The following ADGRL3 variants were observed in gnomAD, a reference collection of about 807,000 sequenced individuals.
ADGRL3 encodes the protein calcium-independent alpha-latrotoxin receptor 3.
A neutral mutation model predicts 153.5 loss-of-function variants in ADGRL3; 62 were observed. The ratio of observed to expected loss-of-function variants is 0.40; its 90% CI spans 0.33 to 0.50. ADGRL3 has a LOEUF of 0.50. ADGRL3 is among the 20% of genes least tolerant of loss of function. The pLI, the probability that ADGRL3 is intolerant of heterozygous loss-of-function variation, is 0.47. For missense variants in ADGRL3, 1,641 were observed against 1,859.4 expected (o/e 0.88, Z 2.16); for synonymous variants, 710 against 672.5 (o/e 1.06, Z -0.86).
intron 1 of ADGRL3, among the ~76,000 whole-genome samples, chr4:61,204,673 T>C (rs896880540): frequency 5.3e-5 from 8 of 152,230 alleles, no homozygotes; most frequent in African/African-American, 1.7e-4. Context: ...TTTGTGTATA[T>C]GGTTGACTAG....
At chr4:61,833,564 C>T (rs1280640512) in intron 9 of ADGRL3, among the ~76,000 whole-genome samples, 1 of 151,930 alleles carries the variant, frequency 6.6e-6, no homozygotes, top group Non-Finnish European at 1.5e-5. Context: ...GTGGGGGCCA[C>T]AAGATTAGAT....
intron 1 of ADGRL3, among the ~76,000 whole-genome samples, chr4:61,246,832 G>T (rs1038811932): frequency 2.3e-4 from 35 of 151,464 alleles, no homozygotes; most frequent in Middle Eastern, 3.4e-3. Context: ...TTCAGAAAAA[G>T]AATATATATA....
chr4:61,561,404 C>G (rs1169315075), intron 4 of ADGRL3, among the ~76,000 whole-genome samples: 2 of 152,074 alleles, frequency 1.3e-5, no homozygotes, highest in African/African-American at 4.8e-5. Flanking sequence ...CATTTAACTC[C>G]AGGTACACTA....
intron 6 of ADGRL3, among the ~76,000 whole-genome samples, chr4:61,718,738 TCTCA>T (rs2096176886): frequency 6.6e-6 from 1 of 152,268 alleles, no homozygotes; most frequent in African/African-American, 2.4e-5. Context: ...TCCTTAATGA[TCTCA>T]CTAACAAATT....
chr4:61,998,958 A>G (rs1290393930), intron 21 of ADGRL3, among the ~76,000 whole-genome samples: 1 of 152,154 alleles, frequency 6.6e-6, no homozygotes, highest in East Asian at 1.9e-4. Flanking sequence ...TGAGAGCCAG[A>G]TGATGGTACC....
At chr4:61,758,334 T>C (rs1200506564) in intron 8 of ADGRL3, among the ~76,000 whole-genome samples, 1 of 152,248 alleles carries the variant, frequency 6.6e-6, no homozygotes, top group Non-Finnish European at 1.5e-5. Context: ...TCTAGGTCTC[T>C]AAGGACTTGC....
At chr4:61,406,575 G>A (rs1042414558) in intron 2 of ADGRL3, among the ~76,000 whole-genome samples, 5 of 151,612 alleles carry the variant, frequency 3.3e-5, no homozygotes, top group African/African-American at 1.2e-4. Context: ...GGGATGTTAT[G>A]TCATTCCTGG....
At chr4:61,540,487 G>C (rs1024084433) in intron 4 of ADGRL3, among the ~76,000 whole-genome samples, 1 of 151,860 alleles carries the variant, frequency 6.6e-6, no homozygotes, top group South Asian at 2.1e-4. Context: ...AGGCGGAGGT[G>C]CAGTGAGCCA....
chr4:61,989,385 G>T (rs1455982126), intron 19 of ADGRL3, among the ~76,000 whole-genome samples: 2 of 151,944 alleles, frequency 1.3e-5, no homozygotes. Context: ...GTTATCACCA[G>T]GTGTGTTTGA....
chr4:61,513,971 T>C (rs2098477741), intron 3 of ADGRL3, among the ~76,000 whole-genome samples: 1 of 152,178 alleles, frequency 6.6e-6, no homozygotes, highest in South Asian at 2.1e-4. Context: ...TGCCTTCAAC[T>C]TATGGTTAAT....
intron 21 of ADGRL3, among the ~76,000 whole-genome samples, chr4:62,021,686 A>C (rs903972713): frequency 6.6e-6 from 1 of 152,148 alleles, no homozygotes; most frequent in East Asian, 1.9e-4. Flanking sequence ...TAATTCTCAC[A>C]ATATATCAAA....
intron 8 of ADGRL3, among the ~76,000 whole-genome samples, chr4:61,783,396 C>T (rs2097238697): frequency 6.6e-6 from 1 of 151,878 alleles, no homozygotes; most frequent in Non-Finnish European, 1.5e-5. Flanking sequence ...AGGGTGTTTT[C>T]CCTCTATATA....
At chr4:61,786,511 G>A (rs1484461237) in intron 8 of ADGRL3, among the ~76,000 whole-genome samples, 1 of 152,168 alleles carries the variant, frequency 6.6e-6, no homozygotes, top group Non-Finnish European at 1.5e-5. Context: ...GGAAAAGGGA[G>A]ACCATGGGGA....
chr4:61,530,037 A>C (rs2098602663), intron 4 of ADGRL3, among the ~76,000 whole-genome samples: 1 of 152,142 alleles, frequency 6.6e-6, no homozygotes, highest in Non-Finnish European at 1.5e-5. Flanking sequence ...ACTAGTTTCT[A>C]AGGAAATTAA....
chr4:61,777,313 A>G (rs1322996875), intron 8 of ADGRL3, among the ~76,000 whole-genome samples: 2 of 152,076 alleles, frequency 1.3e-5, no homozygotes, highest in Non-Finnish European at 2.9e-5. Flanking sequence ...AGCCTGGGCC[A>G]TAGAGCCCAA....
intron 1 of ADGRL3, among the ~76,000 whole-genome samples, chr4:61,270,370 T>A (rs1440223819): frequency 6.6e-6 from 1 of 151,664 alleles, no homozygotes; most frequent in Non-Finnish European, 1.5e-5. Context: ...CCAAAGAAGG[T>A]GAGAATTTCA....
chr4:61,405,648 G>A (rs925680348), intron 2 of ADGRL3, among the ~76,000 whole-genome samples: 1 of 151,566 alleles, frequency 6.6e-6, no homozygotes, highest in Non-Finnish European at 1.5e-5. Flanking sequence ...CAGACTATGA[G>A]ATACAGTATT....
intron 11 of ADGRL3, among the ~76,000 whole-genome samples, chr4:61,896,394 A>G (rs977958240): frequency 2.6e-5 from 4 of 152,158 alleles, no homozygotes; most frequent in African/African-American, 9.7e-5. Flanking sequence ...ATGTGCATTT[A>G]TGCCAAAAGG....
At chr4:61,399,490 T>G (rs2096905443) in intron 2 of ADGRL3, among the ~76,000 whole-genome samples, 1 of 151,730 alleles carries the variant, frequency 6.6e-6, no homozygotes, top group African/African-American at 2.4e-5. Flanking sequence ...TTCATTTCAT[T>G]AATTTTCAAG....
Sources: allele counts gnomAD v4.1 joint callset (sites outside exome capture counted in the v4.1 genomes callset), GRCh38; gene constraint gnomAD v4.1.1; transcripts MANE v1.5; gene names NCBI Gene and HGNC (gene_info 2026-07-23, HGNC 2026-07-21).